CCT8: variants seen among roughly 807,000 people sequenced by gnomAD.
The protein encoded by CCT8 is chaperonin containing TCP1 subunit 8.
Under a neutral mutation model 65.7 loss-of-function variants are expected in CCT8, and 10 were observed. The ratio of observed to expected loss-of-function variants is 0.15; its 90% CI spans 0.09 to 0.26. The LOEUF (loss-of-function observed/expected upper bound fraction) is 0.26. Among genes scored for constraint, CCT8 ranks in the 10% least tolerant of loss-of-function variants. CCT8 has a pLI of 1.00. For missense variants in CCT8, 568 were observed against 669.1 expected (o/e 0.85, Z 1.67); for synonymous variants, 199 against 221.8 (o/e 0.90, Z 0.92).
intron 7 of CCT8, among the ~76,000 whole-genome samples, chr21:29,064,409 TAAAAAAAAAA>T (rs34760776): frequency 3.7e-5 from 1 of 26,714 alleles, no homozygotes; most frequent in African/African-American, 1.7e-4. Context: ...AGCAAGACTC[TAAAAAAAAAA>T]AAAAAAAAAA....
chr21:29,057,285 C>T (rs2085508630), intron 14 of CCT8, among the ~76,000 whole-genome samples: 1 of 151,622 alleles, frequency 6.6e-6, no homozygotes, highest in Admixed American at 6.6e-5. Flanking sequence ...AATTCTCCTG[C>T]CTCAGCCTCC....
intron 13 of CCT8, 149 bp from the exon 14 acceptor site, chr21:29,060,809 G>T: frequency 3.6e-6 from 3 of 844,408 alleles, no homozygotes; most frequent in Non-Finnish European, 1.8e-6. Context: ...AGTATGTGAG[G>T]ATTGGTTCTA....
chr21:29,072,099 C>A, intron 1 of CCT8: 1 of 621,764 alleles, frequency 1.6e-6, no homozygotes, highest in South Asian at 1.9e-5. Flanking sequence ...AGTAAGAGGT[C>A]GGGGGAAACA....
chr21:29,067,019 T>C lies in CCT8; in HGVS notation c.434A>G (p.Asn145Ser), dbSNP rs1175430186. ...GTTTTTTGCAGAACAACATACCAAA[T>C]TAGGAAGAATCTCATGAGCTTTTCT... ...ACRKAHEILP[N>S]LVCCSAKNLR... is the part of the protein sequence containing the mutation. Residue 145 changes from asparagine to serine, a missense_variant, in exon 5 of 15, where the codon AAT becomes AGT. Asn to Ser is a conservative substitution (Grantham distance 46). Coordinates refer to ENST00000286788, the MANE Select transcript of CCT8 (RefSeq NM_006585.4). 2 of 1,613,496 alleles carry C rather than the reference T, an allele frequency of 1.2e-6. No homozygotes were observed. The highest frequency in any genetic ancestry group is 2.2e-5 in the South Asian group (2 of 91,032).
intron 1 of CCT8, among the ~76,000 whole-genome samples, chr21:29,072,728 G>A (rs1038407812): frequency 1.3e-5 from 2 of 152,226 alleles, no homozygotes; most frequent in Non-Finnish European, 2.9e-5. Flanking sequence ...ACAGAGGAAT[G>A]CAATTTGAAT....
chr21:29,066,895 T>C lies in CCT8; in HGVS notation c.558A>G (p.Ala186=). Residue 186 remains alanine, a synonymous_variant, in exon 5 of 15, where the codon GCA becomes GCG. Transcript: ENST00000286788. ...EVFLAKLIAQ[A]CVSIFPDSGH... is the part of the protein sequence containing the mutation. The stretch of plus-strand genomic sequence containing the variant: ...CATTTACTGATATTTACTTACCGCA[T>C]GCCTGAGCAATAAGCTTGGCCAGAA... 1.2e-6 allele frequency: 2 copies of C among 1,605,956 alleles called. No individual in the cohort carries two copies. The highest frequency in any genetic ancestry group is 2.2e-5 in the South Asian group (2 of 90,570).
intron 14 of CCT8, among the ~76,000 whole-genome samples, chr21:29,058,432 T>G (rs1469208845): frequency 6.6e-6 from 1 of 151,714 alleles, no homozygotes; most frequent in Non-Finnish European, 1.5e-5. Flanking sequence ...AGAGCAAGAC[T>G]CCATCTCAAA....
rs998687312 is a variant in CCT8, at chr21:29,065,553, CTTATG to C, written c.625-453_625-449del. Among the ~76,000 whole-genome samples, 19 of 152,336 alleles carry C rather than the reference CTTATG, an allele frequency of 1.2e-4. No homozygotes were observed. The East Asian group carries it at 2.3e-3, about 19-fold the overall frequency. On this transcript the variant is annotated intron_variant, in intron 6 of 14. Transcript: ENST00000286788. ...AGTATCTTCAGGGAAAGCACATGTA[CTTATG>C]TTATGCTAAATTCACATTAACAATC...
intron 1 of CCT8, 32 bp downstream of exon 1, chr21:29,073,499 C>G: frequency 6.2e-7 from 1 of 1,613,970 alleles, no homozygotes. Flanking sequence ...TATGCTGACG[C>G]TCCCACCTCA....
In CCT8 at chr21:29,073,600, G is replaced by A. The variant is rs2085709276; in HGVS notation, c.-10C>T. Reference sequence around the variant, plus strand: ...GAACGTGAAGCGCCATGGCCAGCCTGCAGGAAGCAGTTCACGCGACCGCTC... The same window carrying A: ...GAACGTGAAGCGCCATGGCCAGCCTACAGGAAGCAGTTCACGCGACCGCTC... On this transcript the variant is annotated 5_prime_UTR_variant, in exon 1 of 15. Coordinates refer to ENST00000286788, the MANE Select transcript of CCT8 (RefSeq NM_006585.4). 6.2e-7 allele frequency: 1 copy of A among 1,613,866 alleles called. No homozygotes were observed. Among genetic ancestry groups the A allele is most frequent in the African/African-American group, 1.3e-5 (1 of 75,060 alleles).
chr21:29,073,293 A>G, intron 1 of CCT8: 1 of 1,399,090 alleles, frequency 7.1e-7, no homozygotes, highest in Non-Finnish European at 9.3e-7. Flanking sequence ...TTCAAGGTGT[A>G]CAATGTCGAT....
chr21:29,067,821 T>C, intron 3 of CCT8, 116 bp from the exon 4 acceptor site: 1 of 676,078 alleles, frequency 1.5e-6, no homozygotes, highest in Non-Finnish European at 2.2e-6. Context: ...CTCCATCTGA[T>C]CACACTGCTA....
At chr21:29,057,611 A>AAT (rs1051594665) in intron 14 of CCT8, among the ~76,000 whole-genome samples, 277 of 146,420 alleles carry the variant, frequency 1.9e-3, no homozygotes, top group African/African-American at 5.3e-3. Context: ...AAAAACTAAA[A>AAT]ATATATATAT....
chr21:29,060,453 AC>A (rs776054463), intron 14 of CCT8, 87 bp downstream of exon 14: 3 of 1,356,346 alleles, frequency 2.2e-6, no homozygotes, highest in Non-Finnish European at 3.1e-6. Flanking sequence ...TTGAATTAGA[AC>A]TATGCTATGT....
intron 13 of CCT8, among the ~76,000 whole-genome samples, chr21:29,060,945 A>G (rs1449710479): frequency 6.6e-6 from 1 of 151,916 alleles, no homozygotes; most frequent in East Asian, 1.9e-4. Context: ...ATTATATAAC[A>G]TAGTGTAAAT....
chr21:29,064,410 A>T lies in CCT8; in HGVS notation c.762+558T>A, dbSNP rs574630296. On this transcript the variant is annotated intron_variant, in intron 7 of 14. Transcript: ENST00000286788. Reference sequence around the variant, plus strand: ...AGCCTGGGTGACAAAGCAAGACTCTAAAAAAAAAAAAAAAAAAAAAAAAAA... The same window carrying T: ...AGCCTGGGTGACAAAGCAAGACTCTTAAAAAAAAAAAAAAAAAAAAAAAAA... Among the ~76,000 whole-genome samples, 16 of 19,232 alleles carry T rather than the reference A, an allele frequency of 8.3e-4. No individual in the cohort carries two copies. The East Asian group carries it at 0.011, about 13-fold the overall frequency. The allele number at this position is 19,232 out of a possible 152,430, so 12.6% of individuals were successfully genotyped here.
At chr21:29,066,081 CAA>C (rs10597265) in intron 6 of CCT8, among the ~76,000 whole-genome samples, 80,485 of 102,590 alleles carry the variant, frequency 0.78, 30,218 homozygotes, top group South Asian at 0.88. Flanking sequence ...GACTCCATCT[CAA>C]AAAAAAAAAA....
Position 29,062,139 on chromosome 21 carries a change from C to G in CCT8, c.1201G>C (p.Val401Leu). The G allele has an allele frequency of 1.2e-6, 2 of 1,607,322 alleles. No homozygotes were observed. The highest frequency in any genetic ancestry group is 2.2e-5 in the East Asian group (1 of 44,846). ...AVDDGVNTFK[V>L]LTRDKRLVPG... is the part of the protein sequence containing the mutation. Reference sequence around the variant, plus strand: ...TTGCTGATACTGACCCTTGTAAGAACTTTGAAAGTATTAACACCATCGTCT... The same window carrying G: ...TTGCTGATACTGACCCTTGTAAGAAGTTTGAAAGTATTAACACCATCGTCT... The change falls in exon 11 of 15, where the codon GTT becomes CTT. Residue 401 changes from valine (V) to leucine (L), a missense_variant. Val to Leu is a conservative substitution (Grantham distance 32, BLOSUM62 1). Transcript: ENST00000286788.
chr21:29,064,409 T>TAAAAAA (rs34760776), intron 7 of CCT8, among the ~76,000 whole-genome samples: 24 of 26,714 alleles, frequency 9.0e-4, no homozygotes, highest in African/African-American at 1.5e-3. Context: ...AGCAAGACTC[T>TAAAAAA]AAAAAAAAAA....
Sources: allele counts gnomAD v4.1 joint callset (sites outside exome capture counted in the v4.1 genomes callset), GRCh38; gene constraint gnomAD v4.1.1; transcripts MANE v1.5; gene names NCBI Gene and HGNC (gene_info 2026-07-23, HGNC 2026-07-21).